PLCE1: variants seen among roughly 807,000 people sequenced by gnomAD.
PLCE1 encodes the protein 1-phosphatidylinositol 4,5-bisphosphate phosphodiesterase epsilon-1.
Under a neutral mutation model 242.8 loss-of-function variants are expected in PLCE1, and 119 were observed. That is an observed-to-expected ratio of 0.49 (90% CI 0.42 to 0.57). PLCE1 has a LOEUF of 0.57. Ranked by LOEUF, PLCE1 falls within the 20% of genes least tolerant of loss-of-function variation. The pLI is 0.00. For synonymous variants in PLCE1, 945 were observed against 1,017.4 expected (o/e 0.93, Z 1.35); for missense variants, 2,441 against 2,788.8 (o/e 0.88, Z 2.81).
intron 27 of PLCE1, among the ~76,000 whole-genome samples, chr10:94,309,628 C>T (rs985027706): frequency 3.3e-5 from 5 of 152,090 alleles, no homozygotes; most frequent in Non-Finnish European, 7.4e-5. Flanking sequence ...CATGAGCTAC[C>T]GCACCTGGCC....
At chr10:94,317,818 G>A (rs2053630543) in intron 29 of PLCE1, among the ~76,000 whole-genome samples, 1 of 152,104 alleles carries the variant, frequency 6.6e-6, no homozygotes, top group Non-Finnish European at 1.5e-5. Flanking sequence ...AGACAGTCAT[G>A]CGTCATGACA....
intron 4 of PLCE1, among the ~76,000 whole-genome samples, chr10:94,180,889 C>T (rs369074512): frequency 7.8e-4 from 119 of 152,354 alleles, no homozygotes; most frequent in African/African-American, 2.8e-3. Flanking sequence ...ATTGTTAGCA[C>T]CTTGTGGAGC....
intron 2 of PLCE1, among the ~76,000 whole-genome samples, chr10:94,102,725 G>A (rs2045583971): frequency 6.6e-6 from 1 of 152,160 alleles, no homozygotes; most frequent in Non-Finnish European, 1.5e-5. Flanking sequence ...CCAGCCCTGG[G>A]CTGCACTCCC....
At chr10:94,204,666 CGAAAGAAA>C (rs369112465) in intron 4 of PLCE1, among the ~76,000 whole-genome samples, 1 of 140,370 alleles carries the variant, frequency 7.1e-6, no homozygotes, top group African/African-American at 2.7e-5. Flanking sequence ...AACTCTGTCC[CGAAAGAAA>C]GAAAGAAAGA....
chr10:94,229,644 A>G (rs980300369), intron 5 of PLCE1, among the ~76,000 whole-genome samples: 9 of 152,160 alleles, frequency 5.9e-5, no homozygotes, highest in African/African-American at 9.7e-5. Context: ...AGAGTGACCT[A>G]TGGAGGCCTA....
chr10:94,071,794 T>C (rs574509885), intron 2 of PLCE1, among the ~76,000 whole-genome samples: 1 of 152,222 alleles, frequency 6.6e-6, no homozygotes, highest in African/African-American at 2.4e-5. Context: ...CCACTGTGCC[T>C]AGCCTTCCTA....
chr10:94,051,257 A>G (rs1350011642), intron 2 of PLCE1, among the ~76,000 whole-genome samples: 1 of 131,174 alleles, frequency 7.6e-6, no homozygotes, highest in Non-Finnish European at 1.5e-5. Flanking sequence ...CAGAGTTACC[A>G]GCCTGGGTGA....
At chr10:94,156,164 A>G (rs2047427035) in intron 3 of PLCE1, among the ~76,000 whole-genome samples, 1 of 152,202 alleles carries the variant, frequency 6.6e-6, no homozygotes, top group Admixed American at 6.5e-5. Context: ...TCTGACACCA[A>G]ATGTGTGGGG....
chr10:94,327,298 A>T (rs966008460), intron 32 of PLCE1, among the ~76,000 whole-genome samples: 1 of 152,054 alleles, frequency 6.6e-6, no homozygotes, highest in Admixed American at 6.6e-5. Context: ...ATAAGAAAAG[A>T]AGTTTAGAGT....
chr10:94,191,228 TTACTC>T (rs1452028547), intron 4 of PLCE1, among the ~76,000 whole-genome samples: 3 of 152,142 alleles, frequency 2.0e-5, no homozygotes, highest in Non-Finnish European at 4.4e-5. Context: ...TGGCATAACA[TTACTC>T]TCCTCTCCCT....
At chr10:94,139,945 T>G (rs2046902013) in intron 3 of PLCE1, among the ~76,000 whole-genome samples, 1 of 152,234 alleles carries the variant, frequency 6.6e-6, no homozygotes. Context: ...TCACACTGCC[T>G]GCCCTCTGTG....
At chr10:94,231,866 T>C (rs2050157573) in intron 5 of PLCE1, among the ~76,000 whole-genome samples, 1 of 152,206 alleles carries the variant, frequency 6.6e-6, no homozygotes, top group South Asian at 2.1e-4. Flanking sequence ...GAGCTCAAGC[T>C]GTAATGCTTG....
chr10:94,229,074 C>T (rs2050051339), intron 5 of PLCE1, among the ~76,000 whole-genome samples: 1 of 151,834 alleles, frequency 6.6e-6, no homozygotes, highest in Non-Finnish European at 1.5e-5. Context: ...CCCAGCTACT[C>T]AGGAGGCTGA....
chr10:94,093,638 T>C (rs1308815645), intron 2 of PLCE1, among the ~76,000 whole-genome samples: 1 of 152,214 alleles, frequency 6.6e-6, no homozygotes, highest in African/African-American at 2.4e-5. Flanking sequence ...TGCCTGGTGG[T>C]CTGGCCCTGC....
At position 94,246,450 on chromosome 10, in the gene PLCE1, C is replaced by T. The variant is rs961226264; in HGVS notation, c.2925C>T (p.Leu975=). 1.2e-6 allele frequency: 2 copies of T among 1,614,178 alleles called. No homozygotes were observed. The highest frequency in any genetic ancestry group is 1.7e-6 in the Non-Finnish European group (2 of 1,180,008). The change falls in exon 8 of 33, where the codon CTC becomes CTT. Residue 975 remains leucine, a synonymous_variant. Transcript: ENST00000371380. ...MFLSETGVTL[L]YGLQTTDNRL... ...TGTCAGAGACTGGTGTGACATTGCT[C>T]TATGGGCTTCAGACCACAGACAACA...
At chr10:94,135,368 A>G (rs2046736820) in intron 3 of PLCE1, among the ~76,000 whole-genome samples, 1 of 152,198 alleles carries the variant, frequency 6.6e-6, no homozygotes, top group African/African-American at 2.4e-5. Flanking sequence ...TCTGATGGCC[A>G]TGTACTCTGC....
chr10:94,289,721 C>T (rs2052582996), intron 22 of PLCE1, among the ~76,000 whole-genome samples: 1 of 152,090 alleles, frequency 6.6e-6, no homozygotes, highest in Non-Finnish European at 1.5e-5. Context: ...GTATAGGGCA[C>T]TTATCATGAA....
At chr10:94,088,357 A>T (rs974499878) in intron 2 of PLCE1, among the ~76,000 whole-genome samples, 1 of 152,210 alleles carries the variant, frequency 6.6e-6, no homozygotes, top group Admixed American at 6.5e-5. Flanking sequence ...TCTCAAGCTA[A>T]CCTCTAATCT....
intron 13 of PLCE1, among the ~76,000 whole-genome samples, 190 bp downstream of exon 13, chr10:94,259,340 G>C (rs2051215447): frequency 6.6e-6 from 1 of 151,382 alleles, no homozygotes. Flanking sequence ...CTGGAGTGCA[G>C]TGGTGCAATC....
Sources: allele counts gnomAD v4.1 joint callset (sites outside exome capture counted in the v4.1 genomes callset), GRCh38; gene constraint gnomAD v4.1.1; transcripts MANE v1.5; gene names NCBI Gene and HGNC (gene_info 2026-07-23, HGNC 2026-07-21).